MMP8: variants seen among roughly 807,000 people sequenced by gnomAD.
MMP8 encodes the protein matrix metallopeptidase 8.
MMP8 carries 67 observed loss-of-function variants against 51.2 expected under a neutral mutation model. The ratio of observed to expected loss-of-function variants is 1.31; its 90% CI spans 1.08 to 1.60. The LOEUF (loss-of-function observed/expected upper bound fraction) is 1.60, where lower values mean the gene tolerates loss of function less well. MMP8 is among the 40% of genes most tolerant of loss of function. MMP8 has a pLI of 0.00. For missense variants in MMP8, 654 were observed against 558.1 expected (o/e 1.17, Z -1.73); for synonymous variants, 225 against 191.0 (o/e 1.18, Z -1.47).
chr11:102,714,803 T>C lies in MMP8; in HGVS notation c.1037-94A>G, dbSNP rs868182791. ...ATATATATATATATATATATATATA[T>C]ATACCACTTCTTGGTCTTGCACATA... is the stretch of plus-strand genomic sequence containing the variant. On this transcript the variant is annotated intron_variant, in intron 7 of 9. Coordinates refer to ENST00000236826, the MANE Select transcript of MMP8 (RefSeq NM_002424.3). 2.8e-3 allele frequency: 613 copies of C among 222,286 alleles called. 13 individuals are homozygous for C. The highest frequency in any genetic ancestry group is 0.016 in the African/African-American group (562 of 34,508). The allele number at this position is 222,286 out of a possible 1,614,324, so 13.8% of individuals were successfully genotyped here.
rs1861223071 is a variant in MMP8 at position 102,714,567 on chromosome 11, G to T, written c.1179C>A (p.Asp393Glu). The T allele has an allele frequency of 2.0e-6, 3 of 1,469,498 alleles. No individual in the cohort carries two copies. The highest frequency in any genetic ancestry group is 2.9e-5 in the South Asian group (2 of 67,946). The allele number at this position is 1,469,498 out of a possible 1,614,324, so 91.0% of individuals were successfully genotyped here. ...ATAGTTTACGTTACCTCCAGAATTG[G>T]TCATTTACAAAGAAGTATGTTTTAC... is the stretch of plus-strand genomic sequence containing the variant. ...YRSKTYFFVNDQFWRYDNQRQ... is the reference protein window; with the variant it reads ...YRSKTYFFVNEQFWRYDNQRQ... Residue 393 changes from aspartate to glutamate, a missense_variant, in exon 8 of 10, where the codon GAC becomes GAA. Transcript: ENST00000236826.
chr11:102,716,845 T>C (rs1208205416), intron 5 of MMP8, among the ~76,000 whole-genome samples: 2 of 152,214 alleles, frequency 1.3e-5, no homozygotes, highest in Non-Finnish European at 2.9e-5. Flanking sequence ...AGTCAAATTT[T>C]AGCAATATTT....
chr11:102,714,628 C>T lies in MMP8; in HGVS notation c.1118G>A (p.Ser373Asn), dbSNP rs148019534. The T allele has an allele frequency of 3.9e-6, 6 of 1,549,800 alleles. No homozygotes were observed. Among genetic ancestry groups the T allele is most frequent in the Non-Finnish European group, 3.5e-6 (4 of 1,150,866 alleles). ...AACAGCTGCGTCAATTGCTTGGACG[C>T]TGCTGGGGAAGCCATAGTTTGATAT... Reference protein sequence around the residue: ...KDISNYGFPSSVQAIDAAVFY... With the variant: ...KDISNYGFPSNVQAIDAAVFY... The change falls in exon 8 of 10, where the codon AGC (serine) becomes AAC (asparagine). Residue 373 changes from serine to asparagine, a missense_variant. Physicochemically the swap from Ser to Asn is conservative, Grantham distance 46 (BLOSUM62 1). Coordinates refer to ENST00000236826, the MANE Select transcript of MMP8 (RefSeq NM_002424.3).
chr11:102,721,569 G>A (rs1165499541), intron 3 of MMP8, 43 bp from the exon 4 acceptor site: 1 of 1,613,378 alleles, frequency 6.2e-7, no homozygotes, highest in Non-Finnish European at 8.5e-7. Flanking sequence ...CAAGTTTCAG[G>A]TTAGCCAAAG....
intron 1 of MMP8, chr11:102,723,196 C>A (rs1861525539): frequency 2.1e-6 from 1 of 477,412 alleles, no homozygotes; most frequent in Admixed American, 2.6e-5. Flanking sequence ...TTTCAAATAT[C>A]TTTTAGGGGA....
Position 102,716,979 on chromosome 11 carries a change from A to T in MMP8, c.785-560T>A, listed in dbSNP as rs180734928. Among the ~76,000 whole-genome samples, 202 of 152,312 alleles carry T rather than the reference A, an allele frequency of 1.3e-3. 4 individuals carry two copies. Among genetic ancestry groups the T allele is most frequent in the Non-Finnish European group, 1.8e-4 (12 of 68,032 alleles). On this transcript the variant is annotated intron_variant, in intron 5 of 9. Transcript: ENST00000236826. Reference sequence around the variant, plus strand: ...TGTTGTTGGGGTGGGCAGGAGGAAGAAATTGGGGAATAGAGGCAGTTAGGA... The same window carrying T: ...TGTTGTTGGGGTGGGCAGGAGGAAGTAATTGGGGAATAGAGGCAGTTAGGA...
intron 8 of MMP8, 45 bp from the exon 9 acceptor site, chr11:102,713,902 A>G (rs1481126267): frequency 6.8e-7 from 1 of 1,460,394 alleles, no homozygotes; most frequent in Admixed American, 2.3e-5. Flanking sequence ...AATACAGAAT[A>G]TAACGAAAAA....
intron 5 of MMP8, among the ~76,000 whole-genome samples, chr11:102,716,953 G>A (rs35897193): frequency 6.6e-6 from 1 of 152,142 alleles, no homozygotes; most frequent in East Asian, 1.9e-4. Flanking sequence ...AAATAAAGGG[G>A]TGTTGTTGGG....
At chr11:102,714,914 C>T (rs183551843) in intron 7 of MMP8, among the ~76,000 whole-genome samples, 2 of 151,394 alleles carry the variant, frequency 1.3e-5, no homozygotes, top group East Asian at 3.9e-4. Flanking sequence ...AATGGTTCCC[C>T]AGAGCCTATA....
intron 5 of MMP8, 70 bp downstream of exon 5, chr11:102,718,344 T>C: frequency 6.9e-7 from 1 of 1,454,588 alleles, no homozygotes. Context: ...GAAGAGATAT[T>C]CAGATTCTGG....
chr11:102,716,322 T>G lies in MMP8; in HGVS notation c.882A>C (p.Glu294Asp). Residue 294 changes from glutamate (E) to aspartate (D), a missense_variant, in exon 6 of 10, where the codon GAA (glutamate) becomes GAC (aspartate). Coordinates refer to ENST00000236826, the MANE Select transcript of MMP8 (RefSeq NM_002424.3). ...TATACCTGTCTTTAAAGAAAAGTATTTCTCCACGGAGTGTGGTGATAGCAT... is the reference window on the plus strand; with the variant it reads ...TATACCTGTCTTTAAAGAAAAGTATGTCTCCACGGAGTGTGGTGATAGCAT... ...TFDAITTLRG[E>D]ILFFKDRYFW... 1 of 1,604,984 alleles carries G rather than the reference T, an allele frequency of 6.2e-7. No individual in the cohort carries two copies. The highest frequency in any genetic ancestry group is 8.5e-7 in the Non-Finnish European group (1 of 1,173,756).
At position 102,713,833 on chromosome 11, in the gene MMP8, C is replaced by A. The variant is rs753643168; in HGVS notation, c.1215G>T (p.Met405Ile). 6 of 1,611,246 alleles carry A rather than the reference C, an allele frequency of 3.7e-6. No individual in the cohort carries two copies. The part of the protein sequence containing the change: ...FWRYDNQRQF[M>I]EPGYPKSISG... ...ATATGCTTTTGGGATAACCTGGCTC[C>A]ATGAATTGTCTTTGGTTATCATATC... The change falls in exon 9 of 10, where the codon ATG (methionine) becomes ATT (isoleucine). Residue 405 changes from methionine to isoleucine, a missense_variant. Transcript: ENST00000236826.
Position 102,713,783 on chromosome 11 carries a change from C to A in MMP8, c.1265G>T (p.Ser422Ile). The change falls in exon 9 of 10, where the codon AGT becomes ATT. Residue 422 changes from serine (S) to isoleucine (I), a missense_variant. Coordinates refer to ENST00000236826, the MANE Select transcript of MMP8 (RefSeq NM_002424.3). ...SISGAFPGIE[S>I]KVDAVFQQEH... ...TTGCTGGAAAACTGCATCAACTTTA[C>A]TCTCTATTCCTGGAAAGGCACCTGA... 6.2e-7 allele frequency: 1 copy of A among 1,610,140 alleles called. No individual in the cohort carries two copies. The highest frequency in any genetic ancestry group is 8.5e-7 in the Non-Finnish European group (1 of 1,178,552).
Position 102,713,279 on chromosome 11 carries a change from G to T in MMP8, c.*69C>A. 9.6e-7 allele frequency: 1 copy of T among 1,047,080 alleles called. No homozygotes were observed. The highest frequency in any genetic ancestry group is 1.5e-6 in the Non-Finnish European group (1 of 666,710). 64.9% of individuals were successfully genotyped at this position (1,047,080 alleles called of 1,614,324 possible). A position where few individuals can be genotyped will look rare whatever the true frequency, so the allele number is the denominator to read the frequency against. On this transcript the variant is annotated 3_prime_UTR_variant, in exon 10 of 10. Transcript: ENST00000236826. ...GAGAAAAGTATAAGCAGGACACAATGTAACGAAAATGCTTGCTGAACTTCC... is the reference window on the plus strand; with the variant it reads ...GAGAAAAGTATAAGCAGGACACAATTTAACGAAAATGCTTGCTGAACTTCC...
In MMP8 at chr11:102,714,650, A is replaced by G; in HGVS notation, c.1096T>C (p.Ser366Pro). Reference protein sequence around the residue: ...DILQGYPKDISNYGFPSSVQA... With the variant: ...DILQGYPKDIPNYGFPSSVQA... ...ACGCTGCTGGGGAAGCCATAGTTTGATATATCCTTGGGATAACCTTGCAGA... is the reference window on the plus strand; with the variant it reads ...ACGCTGCTGGGGAAGCCATAGTTTGGTATATCCTTGGGATAACCTTGCAGA... Residue 366 changes from serine (S) to proline (P), a missense_variant, in exon 8 of 10, where the codon TCA (serine) becomes CCA (proline). Coordinates refer to ENST00000236826, the MANE Select transcript of MMP8 (RefSeq NM_002424.3). 6.4e-7 allele frequency: 1 copy of G among 1,556,566 alleles called. No individual in the cohort carries two copies. Among genetic ancestry groups the G allele is most frequent in the African/African-American group, 1.4e-5 (1 of 71,558 alleles).
At chr11:102,717,789 A>C (rs924924755) in intron 5 of MMP8, among the ~76,000 whole-genome samples, 2 of 152,218 alleles carry the variant, frequency 1.3e-5, no homozygotes, top group African/African-American at 4.8e-5. Context: ...TGTAGGAAAA[A>C]GAATAGTCAT....
chr11:102,721,976 G>A (rs1177198982), intron 2 of MMP8, among the ~76,000 whole-genome samples: 2 of 151,994 alleles, frequency 1.3e-5, no homozygotes, highest in Admixed American at 1.3e-4. Context: ...CATAAAATGA[G>A]GATACTAATA....
chr11:102,718,642 A>G lies in MMP8; in HGVS notation c.623-67T>C, dbSNP rs1189907976. ...CCAGGGTGGCAGAAACATGATCTCA[A>G]GGAATGCAACCTCCAAGTCAAAACT... On this transcript the variant is annotated intron_variant, in intron 4 of 9. Transcript: ENST00000236826. 6.3e-6 allele frequency: 10 copies of G among 1,583,484 alleles called. No homozygotes were observed. In the African/African-American group the frequency reaches 1.2e-4, roughly 19 times the overall value.
At chr11:102,713,552 C>A in intron 9 of MMP8, 95 bp from the exon 10 acceptor site, 1 of 1,125,118 alleles carries the variant, frequency 8.9e-7, no homozygotes, top group Non-Finnish European at 1.3e-6. Flanking sequence ...ACATAACATT[C>A]AAATGCAAAC....
Sources: gnomAD v4.1 joint callset for allele counts (sites outside exome capture counted in the v4.1 genomes callset) on GRCh38, gnomAD v4.1.1 for gene constraint, MANE v1.5 for transcripts, NCBI Gene and HGNC (gene_info 2026-07-23, HGNC 2026-07-21) for gene names.